Variants in SIGLEC15 observed in about 807,000 individuals in gnomAD.
The protein encoded by SIGLEC15 is sialic acid binding Ig like lectin 15, also known as sialic acid-binding Ig-like lectin 15.
A neutral mutation model predicts 26.2 loss-of-function variants in SIGLEC15; 31 were observed. The ratio of observed to expected loss-of-function variants is 1.18; its 90% CI spans 0.89 to 1.60. SIGLEC15 has a LOEUF of 1.60. Among genes scored for constraint, SIGLEC15 ranks in the 40% most tolerant of loss-of-function variants. The pLI, the probability that SIGLEC15 is intolerant of heterozygous loss-of-function variation, is 0.00. For missense variants in SIGLEC15, 501 were observed against 488.4 expected (o/e 1.03, Z -0.24); for synonymous variants, 207 against 221.9 (o/e 0.93, Z 0.60).
intron 1 of SIGLEC15, among the ~76,000 whole-genome samples, chr18:45,835,505 G>A (rs1442826988): frequency 6.6e-6 from 1 of 152,126 alleles, no homozygotes; most frequent in African/African-American, 2.4e-5. Flanking sequence ...AGCTCAGGAA[G>A]AGAAGAGAAA....
At chr18:45,826,295 CTG>C (rs1385528213) in intron 1 of SIGLEC15, among the ~76,000 whole-genome samples, 1 of 152,128 alleles carries the variant, frequency 6.6e-6, no homozygotes, top group African/African-American at 2.4e-5. Context: ...AGTGGGAACA[CTG>C]TGGCAGGTTT....
chr18:45,841,737 C>T (rs556810636), intron 5 of SIGLEC15, among the ~76,000 whole-genome samples: 1 of 152,274 alleles, frequency 6.6e-6, no homozygotes, highest in South Asian at 2.1e-4. Context: ...GTGTGAGGGT[C>T]ATGCGTAGCA....
chr18:45,840,073 C>A, intron 4 of SIGLEC15, 138 bp from the exon 5 acceptor site: 1 of 877,480 alleles, frequency 1.1e-6, no homozygotes, highest in Non-Finnish European at 1.8e-6. Flanking sequence ...CACAGCTTCA[C>A]ACCCTGCTAG....
Position 45,837,759 on chromosome 18 carries a change from C to G in SIGLEC15, c.359C>G (p.Pro120Arg). The G allele has an allele frequency of 6.6e-7, 1 of 1,519,504 alleles. No individual in the cohort carries two copies. Among genetic ancestry groups the G allele is most frequent in the Non-Finnish European group, 8.8e-7 (1 of 1,142,200 alleles). 94.1% of individuals were successfully genotyped at this position (1,519,504 alleles called of 1,614,324 possible). A position where few individuals can be genotyped will look rare whatever the true frequency, so the allele number is the denominator to read the frequency against. Residue 120 changes from proline (P) to arginine (R), a missense_variant, in exon 3 of 6, where the codon CCG becomes CGG. Coordinates refer to ENST00000389474, the MANE Select transcript of SIGLEC15 (RefSeq NM_213602.3). ...GGCCGCTTCCGGCTGCTGGGCAACCCGCGCCGCAACGACCTCTCGCTGCGC... is the reference window on the plus strand; with the variant it reads ...GGCCGCTTCCGGCTGCTGGGCAACCGGCGCCGCAACGACCTCTCGCTGCGC... ...LHGRFRLLGNPRRNDLSLRVE... is the reference protein window; with the variant it reads ...LHGRFRLLGNRRRNDLSLRVE...
At chr18:45,838,392 C>A (rs933170956) in intron 3 of SIGLEC15, 2 of 451,588 alleles carry the variant, frequency 4.4e-6, no homozygotes, top group Non-Finnish European at 3.9e-6. Context: ...CTCTAGCCCC[C>A]ACCCTGCTCT....
In SIGLEC15 at chr18:45,825,702, G is replaced by A. The variant is rs2048179437; in HGVS notation, c.-27G>A. 2 of 1,613,854 alleles carry A rather than the reference G, an allele frequency of 1.2e-6. No individual in the cohort carries two copies. The highest frequency in any genetic ancestry group is 3.3e-5 in the Admixed American group (2 of 60,010). On this transcript the variant is annotated 5_prime_UTR_variant, in exon 1 of 6. Transcript: ENST00000389474. ...TGGGGAGGTGGCCGAGAGCGGGTCT[G>A]GCCTGGGGTGTTCAGATGCTCACAG...
intron 1 of SIGLEC15, among the ~76,000 whole-genome samples, chr18:45,826,991 T>C (rs886759885): frequency 6.6e-6 from 1 of 152,220 alleles, no homozygotes; most frequent in Admixed American, 6.5e-5. Context: ...CTCAGCTCAC[T>C]GTAAACTCTG....
At chr18:45,839,365 A>G (rs2048305873) in intron 4 of SIGLEC15, among the ~76,000 whole-genome samples, 1 of 152,178 alleles carries the variant, frequency 6.6e-6, no homozygotes, top group Non-Finnish European at 1.5e-5. Context: ...AGACCCGGTT[A>G]ACTCTAGAGC....
intron 1 of SIGLEC15, among the ~76,000 whole-genome samples, chr18:45,836,306 A>G (rs535608694): frequency 2.0e-5 from 3 of 152,268 alleles, no homozygotes; most frequent in African/African-American, 2.4e-5. Context: ...GTCACATGAC[A>G]TGGTATCTAT....
At chr18:45,832,119 G>A (rs1339470956) in intron 1 of SIGLEC15, among the ~76,000 whole-genome samples, 1 of 152,240 alleles carries the variant, frequency 6.6e-6, no homozygotes, top group East Asian at 1.9e-4. Flanking sequence ...TGAGGGAAGG[G>A]AACTAACACA....
At position 45,839,103 on chromosome 18, in the gene SIGLEC15, CGCCCCAGACACGGGT is replaced by C; in HGVS notation, c.874+10_874+24del. On this transcript the variant is annotated intron_variant, in intron 4 of 5. Coordinates refer to ENST00000389474, the MANE Select transcript of SIGLEC15 (RefSeq NM_213602.3). ...CTGCCCGCCGCCGCCCAGGTGGGTGCGCCCCAGACACGGGTGGCCGCGAGGGGCCGGGCCGGGGCT... is the reference window on the plus strand; with the variant it reads ...CTGCCCGCCGCCGCCCAGGTGGGTGCGGCCGCGAGGGGCCGGGCCGGGGCT... 7.2e-7 allele frequency: 1 copy of C among 1,388,870 alleles called. No individual in the cohort carries two copies. Among genetic ancestry groups the C allele is most frequent in the Non-Finnish European group, 9.2e-7 (1 of 1,083,142 alleles). 86.0% of individuals were successfully genotyped at this position (1,388,870 alleles called of 1,614,324 possible).
chr18:45,825,802 T>C (rs765480921), intron 1 of SIGLEC15, 22 bp downstream of exon 1: 2 of 1,614,094 alleles, frequency 1.2e-6, no homozygotes, highest in South Asian at 2.2e-5. Context: ...CTACTCTCTC[T>C]GGCCCATGCT....
chr18:45,840,155 C>T (rs750315264), intron 4 of SIGLEC15, 56 bp from the exon 5 acceptor site: 1 of 1,599,810 alleles, frequency 6.3e-7, no homozygotes, highest in Non-Finnish European at 8.5e-7. Context: ...GGTGGGCGCA[C>T]AGGCTGCAGA....
At chr18:45,826,054 C>A (rs1012118689) in intron 1 of SIGLEC15, among the ~76,000 whole-genome samples, 1 of 152,154 alleles carries the variant, frequency 6.6e-6, no homozygotes, top group Non-Finnish European at 1.5e-5. Context: ...CCCATTGCTG[C>A]GAGCATCCAG....
chr18:45,829,516 C>A (rs1289390596), intron 1 of SIGLEC15, among the ~76,000 whole-genome samples: 1 of 152,322 alleles, frequency 6.6e-6, no homozygotes, highest in East Asian at 1.9e-4. Flanking sequence ...TCAGCTCCAC[C>A]CACATACCTA....
chr18:45,842,277 G>C lies in SIGLEC15; in HGVS notation c.*90G>C. On this transcript the variant is annotated 3_prime_UTR_variant, in exon 6 of 6. Coordinates refer to ENST00000389474, the MANE Select transcript of SIGLEC15 (RefSeq NM_213602.3). ...GCTGGCACAGCCAGTCCTGGTTCTC[G>C]GGCACCTTGGCAGCCCCCAGCTGGG... 1 of 1,464,794 alleles carries C rather than the reference G, an allele frequency of 6.8e-7. No homozygotes were observed. Among genetic ancestry groups the C allele is most frequent in the Non-Finnish European group, 9.5e-7 (1 of 1,049,436 alleles). The allele number at this position is 1,464,794 out of a possible 1,614,324, so 90.7% of individuals were successfully genotyped here. A position where few individuals can be genotyped will look rare whatever the true frequency, so the allele number is the denominator to read the frequency against.
chr18:45,836,012 T>C (rs758325060), intron 1 of SIGLEC15, among the ~76,000 whole-genome samples: 12 of 152,188 alleles, frequency 7.9e-5, no homozygotes, highest in Non-Finnish European at 1.6e-4. Flanking sequence ...GGCGGTCCTG[T>C]GGGCGGCCGG....
At position 45,838,959 on chromosome 18, in the gene SIGLEC15, C is replaced by G. The variant is rs774491456; in HGVS notation, c.738C>G (p.Ser246=). The change falls in exon 4 of 6, where the codon TCC becomes TCG. Residue 246 remains serine (S), a synonymous_variant. Transcript: ENST00000389474. ...TCTAANSLGR[S]EASVYLFRFH... is the part of the protein sequence containing the mutation. ...CGGCCGCCAACAGCCTGGGCCGCTC[C>G]GAGGCCAGCGTCTACCTGTTCCGCT... 5.0e-6 allele frequency: 8 copies of G among 1,604,538 alleles called. No homozygotes were observed. Among genetic ancestry groups the G allele is most frequent in the East Asian group, 4.5e-5 (2 of 44,558 alleles).
intron 1 of SIGLEC15, among the ~76,000 whole-genome samples, chr18:45,828,903 A>AC (rs1289238289): frequency 1.7e-4 from 26 of 152,246 alleles, no homozygotes; most frequent in Non-Finnish European, 4.4e-5. Context: ...GGACCGGAGG[A>AC]CATGGGCTGG....
Sources: allele counts gnomAD v4.1 joint callset (sites outside exome capture counted in the v4.1 genomes callset), GRCh38; gene constraint gnomAD v4.1.1; transcripts MANE v1.5; gene names NCBI Gene and HGNC (gene_info 2026-07-23, HGNC 2026-07-21).